Variants in FOXP2 observed in about 807,000 individuals in gnomAD.
FOXP2 encodes the protein forkhead box P2, also known as forkhead box protein P2.
Under a neutral mutation model 115.8 loss-of-function variants are expected in FOXP2, and 12 were observed. The observed-to-expected ratio is 0.10, with a 90% confidence interval of 0.07 to 0.17. FOXP2 has a LOEUF of 0.17. FOXP2 is among the 10% of genes least tolerant of loss of function. The pLI is 1.00. For synonymous variants in FOXP2, 328 were observed against 297.7 expected (o/e 1.10, Z -1.05); for missense variants, 629 against 843.5 (o/e 0.75, Z 3.15).
Position 114,589,819 on chromosome 7 carries a change from A to G in FOXP2, c.259-38721A>G, listed in dbSNP as rs145802684. Among the ~76,000 whole-genome samples the G allele has an allele frequency of 5.7e-3, 863 of 151,982 alleles. 6 individuals are homozygous for G. Among genetic ancestry groups the G allele is most frequent in the African/African-American group, 0.019 (801 of 41,430 alleles). ...GCTTACTACTGGTATTTTAGGCTGC[A>G]TTTTTCCATACTCTTTTGTTTGTCA... On this transcript the variant is annotated intron_variant, in intron 3 of 16. Transcript: ENST00000350908.
rs189172091 is a variant in FOXP2, at chr7:114,285,096, A to G, written c.-101-2923A>G. Among the ~76,000 whole-genome samples, 133 of 152,268 alleles carry G rather than the reference A, an allele frequency of 8.7e-4. 1 individual carries two copies. Among genetic ancestry groups the G allele is most frequent in the Middle Eastern group, 6.8e-3 (2 of 294 alleles). On this transcript the variant is annotated intron_variant, in intron 1 of 17. Transcript: ENST00000634411. ...AAAGTGTACTAGGCTCAATACCTGC[A>G]TGACAAAATAGTCTGTATAAGAAGT...
chr7:114,428,092 C>T (rs1042841505), intron 2 of FOXP2, among the ~76,000 whole-genome samples: 1 of 151,516 alleles, frequency 6.6e-6, no homozygotes, highest in Non-Finnish European at 1.5e-5. Context: ...TGGAATGCTA[C>T]AATATTCCTC....
intron 3 of FOXP2, among the ~76,000 whole-genome samples, chr7:114,628,141 A>T (rs1804697873): frequency 6.6e-6 from 1 of 151,952 alleles, no homozygotes; most frequent in Admixed American, 6.6e-5. Flanking sequence ...TTAATCTTTA[A>T]TATTTATTTT....
chr7:114,122,994 T>C (rs1791608605), intron 1 of FOXP2, among the ~76,000 whole-genome samples: 1 of 152,074 alleles, frequency 6.6e-6, no homozygotes, highest in Non-Finnish European at 1.5e-5. Flanking sequence ...TATTGAATCA[T>C]GGTGAAGTAT....
At chr7:114,423,452 G>T (rs949883712) in intron 1 of FOXP2, among the ~76,000 whole-genome samples, 2 of 151,688 alleles carry the variant, frequency 1.3e-5, no homozygotes, top group Admixed American at 1.3e-4. Context: ...TGTAAGATCT[G>T]AAGAGTTATT....
At chr7:114,288,140 T>C (rs1010721307) in intron 2 of FOXP2, 43 of 450,028 alleles carry the variant, frequency 9.6e-5, no homozygotes, top group Non-Finnish European at 2.7e-5. Context: ...AATTCTCCTT[T>C]GGTCATTGTG....
In FOXP2 at chr7:114,361,827, T is replaced by C. The variant is rs59301301; in HGVS notation, c.-10-64675T>C. Among the ~76,000 whole-genome samples, 758 of 152,158 alleles carry C rather than the reference T, an allele frequency of 5.0e-3. 3 individuals are homozygous for C. The highest frequency in any genetic ancestry group is 0.017 in the African/African-American group (714 of 41,556). ...TAAGTGGCTTATGGAATGCATTTTT[T>C]CCCCTAGACTTGATTGCTAGTTCTT... is the stretch of plus-strand genomic sequence containing the variant. On this transcript the variant is annotated intron_variant, in intron 2 of 17. Coordinates refer to the FOXP2 transcript ENST00000634411.
chr7:114,597,903 T>G (rs1302441838), intron 3 of FOXP2, among the ~76,000 whole-genome samples: 1 of 152,166 alleles, frequency 6.6e-6, no homozygotes, highest in Non-Finnish European at 1.5e-5. Flanking sequence ...TTATCTCATC[T>G]AGTCAAGCCA....
chr7:114,471,023 C>G (rs1796020240), intron 2 of FOXP2, among the ~76,000 whole-genome samples: 1 of 151,988 alleles, frequency 6.6e-6, no homozygotes, highest in Non-Finnish European at 1.5e-5. Flanking sequence ...CTGTACATAC[C>G]CTGTCTGTAT....
intron 7 of FOXP2, among the ~76,000 whole-genome samples, chr7:114,643,624 C>T (rs1209279928): frequency 6.6e-6 from 1 of 152,124 alleles, no homozygotes; most frequent in Non-Finnish European, 1.5e-5. Flanking sequence ...GTGAAAGGAG[C>T]ATTCATGTAC....
chr7:114,366,126 G>T (rs923104506), intron 2 of FOXP2, among the ~76,000 whole-genome samples: 2 of 152,074 alleles, frequency 1.3e-5, no homozygotes, highest in Admixed American at 1.3e-4. Context: ...CTCAAGGAAG[G>T]CTTTCCAGGC....
intron 1 of FOXP2, among the ~76,000 whole-genome samples, chr7:114,261,208 G>A (rs920521845): frequency 6.6e-6 from 1 of 152,102 alleles, no homozygotes; most frequent in East Asian, 1.9e-4. Flanking sequence ...TGTTATATAA[G>A]TGTAAAATGG....
chr7:114,686,859 C>T (rs1302909315), intron 16 of FOXP2, among the ~76,000 whole-genome samples: 1 of 151,562 alleles, frequency 6.6e-6, no homozygotes, highest in African/African-American at 2.4e-5. Flanking sequence ...TTTAATGAGC[C>T]GAACACTTCT....
intron 2 of FOXP2, among the ~76,000 whole-genome samples, chr7:114,292,771 C>T (rs1796640023): frequency 1.3e-5 from 2 of 152,264 alleles, no homozygotes; most frequent in South Asian, 4.1e-4. Context: ...CCATAGAGAT[C>T]ACAGAATGTT....
chr7:114,410,694 A>G (rs1225421884), upstream of FOXP2, among the ~76,000 whole-genome samples: 3 of 152,034 alleles, frequency 2.0e-5, no homozygotes, highest in Non-Finnish European at 2.9e-5. Context: ...AATAAACAGT[A>G]TGTGTTTCCT....
intron 2 of FOXP2, among the ~76,000 whole-genome samples, chr7:114,393,138 C>A (rs1195369566): frequency 1.3e-5 from 2 of 151,938 alleles, no homozygotes; most frequent in Non-Finnish European, 2.9e-5. Flanking sequence ...ATGTGCAATT[C>A]AATTGTTCTG....
intron 2 of FOXP2, among the ~76,000 whole-genome samples, chr7:114,473,479 A>C (rs191119647): frequency 6.6e-6 from 1 of 152,310 alleles, no homozygotes; most frequent in Admixed American, 6.5e-5. Context: ...AACGAGTGTA[A>C]GTATGGTAGA....
chr7:114,139,423 T>C (rs1220705628), intron 1 of FOXP2, among the ~76,000 whole-genome samples: 1 of 152,068 alleles, frequency 6.6e-6, no homozygotes, highest in African/African-American at 2.4e-5. Flanking sequence ...AGGTTTCTTT[T>C]ATATATATAT....
chr7:114,563,406 A>G (rs1211488661), intron 3 of FOXP2, among the ~76,000 whole-genome samples: 1 of 152,070 alleles, frequency 6.6e-6, no homozygotes, highest in South Asian at 2.1e-4. Context: ...CCTGCCTACA[A>G]CTTTTTTTGT....
Sources: allele counts gnomAD v4.1 joint callset (sites outside exome capture counted in the v4.1 genomes callset), GRCh38; gene constraint gnomAD v4.1.1; transcripts MANE v1.5; gene names NCBI Gene and HGNC (gene_info 2026-07-23, HGNC 2026-07-21).